NPSR1: variants seen among roughly 807,000 people sequenced by gnomAD.
NPSR1 encodes the protein neuropeptide S receptor 1, also known as neuropeptide S receptor.
NPSR1 carries 48 observed loss-of-function variants against 46.9 expected under a neutral mutation model. The ratio of observed to expected loss-of-function variants is 1.02; its 90% CI spans 0.81 to 1.30. The LOEUF (loss-of-function observed/expected upper bound fraction) is 1.30, where lower values mean the gene tolerates loss of function less well. NPSR1 is among the 50% of genes most tolerant of loss of function. The probability of loss-of-function intolerance (pLI) is 0.00; values close to 1 mark genes in which losing one functional copy is unlikely to be tolerated. For synonymous variants in NPSR1, 176 were observed against 168.1 expected, an observed-to-expected ratio of 1.05 and a Z score of -0.36; for missense variants, 450 against 449.5, an observed-to-expected ratio of 1.00 and a Z score of -0.01.
rs1785536964 is a variant in NPSR1, at chr7:34,751,664, C to T, written c.281-26798C>T. On this transcript the variant is annotated intron_variant, in intron 2 of 8. Transcript: ENST00000360581. ...ACCAGCTGCTGCAGAGCCACATCCCCAGCCAGGGACAAGAGGTTCATCAAC... is the reference window on the plus strand; with the variant it reads ...ACCAGCTGCTGCAGAGCCACATCCCTAGCCAGGGACAAGAGGTTCATCAAC... 6 of 1,593,102 alleles carry T rather than the reference C, an allele frequency of 3.8e-6. No individual in the cohort carries two copies. In the East Asian group the frequency reaches 8.9e-5, roughly 24 times the overall value.
Position 34,834,325 on chromosome 7 carries a change from G to T in NPSR1, c.681-59G>T, listed in dbSNP as rs117414428. The stretch of plus-strand genomic sequence containing the variant: ...CGGGGAGGTGGGAGTGGTCTTCTCT[G>T]TGTCCTCACAGTAGGGATCCACCAG... On this transcript the variant is annotated intron_variant, in intron 5 of 8. Coordinates refer to ENST00000360581, the MANE Select transcript of NPSR1 (RefSeq NM_207172.2). 199 of 1,321,520 alleles carry T rather than the reference G, an allele frequency of 1.5e-4. 1 individual carries two copies. The East Asian group carries it at 4.3e-3, about 29-fold the overall frequency. The allele number at this position is 1,321,520 out of a possible 1,614,324, so 81.9% of individuals were successfully genotyped here.
intron 2 of NPSR1, chr7:34,751,220 C>T (rs1785506117): frequency 8.9e-7 from 1 of 1,117,804 alleles, no homozygotes; most frequent in Non-Finnish European, 1.4e-6. Context: ...GCCAGATCCC[C>T]AGTGGCAACG....
At chr7:34,785,635 T>C (rs1190381258) in intron 3 of NPSR1, among the ~76,000 whole-genome samples, 1 of 152,134 alleles carries the variant, frequency 6.6e-6, no homozygotes, top group African/African-American at 2.4e-5. Context: ...ATCACTGATA[T>C]CATTAGGATA....
chr7:34,831,108 C>T (rs1396010728), intron 5 of NPSR1, among the ~76,000 whole-genome samples: 1 of 152,220 alleles, frequency 6.6e-6, no homozygotes, highest in Non-Finnish European at 1.5e-5. Context: ...ATCTAGACTT[C>T]ATGGCAGTTT....
At chr7:34,695,014 A>C (rs1217886699) in intron 2 of NPSR1, among the ~76,000 whole-genome samples, 1 of 152,182 alleles carries the variant, frequency 6.6e-6, no homozygotes, top group African/African-American at 2.4e-5. Flanking sequence ...AGCATAGCCA[A>C]AGTAATTCTA....
chr7:34,661,229 A>C (rs150906803), intron 1 of NPSR1, among the ~76,000 whole-genome samples: 2 of 152,088 alleles, frequency 1.3e-5, no homozygotes, highest in East Asian at 3.9e-4. Flanking sequence ...CTCTATACTC[A>C]CCCAGGTCCC....
intron 2 of NPSR1, among the ~76,000 whole-genome samples, chr7:34,750,002 T>C (rs1304738751): frequency 6.6e-6 from 1 of 152,056 alleles, no homozygotes; most frequent in Non-Finnish European, 1.5e-5. Flanking sequence ...TTTAAGTATA[T>C]AAAAACATTT....
intron 2 of NPSR1, among the ~76,000 whole-genome samples, chr7:34,778,174 T>C (rs1171413592): frequency 1.3e-5 from 2 of 152,176 alleles, no homozygotes; most frequent in Admixed American, 1.3e-4. Context: ...CGAAAACTTC[T>C]GTTCTGTGAC....
At chr7:34,789,996 GAA>G (rs1348856956) in intron 3 of NPSR1, among the ~76,000 whole-genome samples, 1 of 151,878 alleles carries the variant, frequency 6.6e-6, no homozygotes, top group East Asian at 1.9e-4. Context: ...CCAAAAAAGT[GAA>G]AAAAGTGTTT....
intron 5 of NPSR1, among the ~76,000 whole-genome samples, chr7:34,832,141 A>G (rs1437194006): frequency 2.0e-5 from 3 of 152,246 alleles, no homozygotes; most frequent in Non-Finnish European, 4.4e-5. Context: ...ACTAATGCTG[A>G]AAACCTGGAT....
At chr7:34,691,355 A>G (rs1377679711) in intron 2 of NPSR1, among the ~76,000 whole-genome samples, 3 of 152,202 alleles carry the variant, frequency 2.0e-5, no homozygotes, top group African/African-American at 7.2e-5. Context: ...ACAGGAACAC[A>G]ACCTCACATA....
intron 2 of NPSR1, among the ~76,000 whole-genome samples, chr7:34,774,679 C>T (rs1786864282): frequency 6.6e-6 from 1 of 152,180 alleles, no homozygotes; most frequent in South Asian, 2.1e-4. Flanking sequence ...CAACTCCAAA[C>T]TGTATCTTTC....
At chr7:34,766,272 A>G (rs1056177815) in intron 2 of NPSR1, among the ~76,000 whole-genome samples, 1 of 152,160 alleles carries the variant, frequency 6.6e-6, no homozygotes, top group Non-Finnish European at 1.5e-5. Context: ...GTGCAGCAAC[A>G]TTGGAAAACT....
At chr7:34,762,563 A>G (rs1194133706) in intron 2 of NPSR1, among the ~76,000 whole-genome samples, 1 of 152,192 alleles carries the variant, frequency 6.6e-6, no homozygotes, top group Non-Finnish European at 1.5e-5. Context: ...AAAGTAGAAG[A>G]GGGACCTTTA....
intron 2 of NPSR1, among the ~76,000 whole-genome samples, chr7:34,709,275 A>G (rs940247083): frequency 6.6e-6 from 1 of 152,188 alleles, no homozygotes; most frequent in South Asian, 2.1e-4. Flanking sequence ...GCCCTTGCTC[A>G]GCAATTACTG....
In NPSR1 at chr7:34,781,037, A is replaced by C. The variant is rs185344936; in HGVS notation, c.384+2472A>C. ...ATTTGAAAATCTCTGACATACTCCC[A>C]AAAATCTAGAAGACCAGGTATATGC... is the stretch of plus-strand genomic sequence containing the variant. On this transcript the variant is annotated intron_variant, in intron 3 of 8. Transcript: ENST00000360581. Among the ~76,000 whole-genome samples, 284 of 152,292 alleles carry C rather than the reference A, an allele frequency of 1.9e-3. 1 individual carries two copies. The highest frequency in any genetic ancestry group is 6.7e-3 in the African/African-American group (279 of 41,578).
chr7:34,689,667 G>A (rs145488300), intron 2 of NPSR1, among the ~76,000 whole-genome samples: 3 of 149,598 alleles, frequency 2.0e-5, no homozygotes, highest in Non-Finnish European at 4.4e-5. Flanking sequence ...TCTAGGCAGG[G>A]CATGGTGGTT....
At chr7:34,837,510 C>T (rs896956086) in intron 6 of NPSR1, among the ~76,000 whole-genome samples, 2 of 152,196 alleles carry the variant, frequency 1.3e-5, no homozygotes, top group Non-Finnish European at 2.9e-5. Context: ...CACCCATGGC[C>T]CATTGCCCAT....
chr7:34,658,540 C>A lies in NPSR1; in HGVS notation c.128C>A (p.Ser43Tyr). 1 of 1,614,104 alleles carries A rather than the reference C, an allele frequency of 6.2e-7. No homozygotes were observed. Among genetic ancestry groups the A allele is most frequent in the South Asian group, 1.1e-5 (1 of 91,070 alleles). ...TEVVEGKEWG[S>Y]FYYSFKTEQL... ...GTGGTGGAAGGAAAGGAATGGGGTT[C>A]CTTCTACTACTCCTTTAAGGTAAGT... The change falls in exon 1 of 9, where the codon TCC becomes TAC. Residue 43 changes from serine to tyrosine, a missense_variant. Coordinates refer to ENST00000360581, the MANE Select transcript of NPSR1 (RefSeq NM_207172.2).
Sources: allele counts gnomAD v4.1 joint callset (sites outside exome capture counted in the v4.1 genomes callset), GRCh38; gene constraint gnomAD v4.1.1; transcripts MANE v1.5; gene names NCBI Gene and HGNC (gene_info 2026-07-23, HGNC 2026-07-21).